GFPT1: variants seen among roughly 807,000 people sequenced by gnomAD.
GFPT1 encodes the protein glutamine--fructose-6-phosphate aminotransferase [isomerizing] 1.
Under a neutral mutation model 92.0 loss-of-function variants are expected in GFPT1, and 40 were observed. That is an observed-to-expected ratio of 0.43 (90% CI 0.34 to 0.57). GFPT1 has a LOEUF of 0.57. Ranked by LOEUF, GFPT1 falls within the 20% of genes least tolerant of loss-of-function variation. The pLI, the probability that GFPT1 is intolerant of heterozygous loss-of-function variation, is 0.02. For synonymous variants in GFPT1, 269 were observed against 280.6 expected, an observed-to-expected ratio of 0.96 and a Z score of 0.41; for missense variants, 448 against 869.1, an observed-to-expected ratio of 0.52 and a Z score of 6.09.
At chr2:69,354,091 C>G (rs1261938351) in intron 9 of GFPT1, among the ~76,000 whole-genome samples, 168 bp downstream of exon 9, 1 of 152,144 alleles carries the variant, frequency 6.6e-6, no homozygotes, top group Non-Finnish European at 1.5e-5. Context: ...AAAGCAGACA[C>G]GCAAAATATA....
At chr2:69,338,638 T>C (rs1670860402) in intron 13 of GFPT1, 73 bp from the exon 14 acceptor site, 2 of 1,504,432 alleles carry the variant, frequency 1.3e-6, no homozygotes, top group Admixed American at 1.7e-5. Context: ...TTGGATTCAA[T>C]GTATAGTTTT....
intron 1 of GFPT1, among the ~76,000 whole-genome samples, chr2:69,385,370 C>G (rs1017667393): frequency 1.3e-5 from 2 of 151,946 alleles, no homozygotes; most frequent in African/African-American, 4.8e-5. Context: ...GGATTACAGG[C>G]GCGTACCACC....
Position 69,363,550 on chromosome 2 carries a change from T to C in GFPT1, c.344A>G (p.Asn115Ser), listed in dbSNP as rs1297015411. 1.2e-6 allele frequency: 2 copies of C among 1,614,080 alleles called. No individual in the cohort carries two copies. Among genetic ancestry groups the C allele is most frequent in the Non-Finnish European group, 1.7e-6 (2 of 1,179,932 alleles). Reference sequence around the variant, plus strand: ...CACAAAAAATCTTTCCATACCATTATTTTTATCAGAGCGCTGGGGGTGGCT... The same window carrying C: ...CACAAAAAATCTTTCCATACCATTACTTTTATCAGAGCGCTGGGGGTGGCT... Reference protein sequence around the residue: ...VNSHPQRSDKNNEFIVIHNGI... With the variant: ...VNSHPQRSDKSNEFIVIHNGI... The change falls in exon 4 of 20, where the codon AAT becomes AGT. Residue 115 changes from asparagine to serine, a missense_variant. Coordinates refer to ENST00000357308, the MANE Select transcript of GFPT1 (RefSeq NM_001244710.2).
rs183591593 is a variant in GFPT1, at chr2:69,373,956, G to A, written c.115+50C>T. ...TAGTCTCCTAATAACAATAAAAATA[G>A]TATCTATTTAAAGAATCATGCAAAA... is the stretch of plus-strand genomic sequence containing the variant. On this transcript the variant is annotated intron_variant, in intron 2 of 19. Transcript: ENST00000357308. 382 of 857,072 alleles carry A rather than the reference G, an allele frequency of 4.5e-4. 2 individuals carry two copies. In the African/African-American group the frequency reaches 5.6e-3, roughly 13 times the overall value. The allele number at this position is 857,072 out of a possible 1,614,324, so 53.1% of individuals were successfully genotyped here.
At chr2:69,333,605 T>A (rs754621526) in intron 15 of GFPT1, among the ~76,000 whole-genome samples, 18 of 152,198 alleles carry the variant, frequency 1.2e-4, no homozygotes, top group Non-Finnish European at 1.6e-4. Context: ...AAAGTTACAT[T>A]TTTATTTTTT....
chr2:69,345,873 T>A, intron 12 of GFPT1, 31 bp downstream of exon 12: 1 of 1,192,210 alleles, frequency 8.4e-7, no homozygotes, highest in Non-Finnish European at 1.3e-6. Context: ...TCAGAGACAC[T>A]GAAATAATAA....
At chr2:69,353,656 T>C (rs1418043702) in intron 9 of GFPT1, among the ~76,000 whole-genome samples, 1 of 151,392 alleles carries the variant, frequency 6.6e-6, no homozygotes, top group Non-Finnish European at 1.5e-5. Flanking sequence ...ACCATACCAC[T>C]GCACTGCACT....
rs752495471 is a variant in GFPT1 at position 69,328,354 on chromosome 2, A to G, written c.1810T>C (p.Leu604=). ...ATGATGATCATGATCACAGGCATCAATTTATCCACCAAAGCCAGAGGGCCA... is the reference window on the plus strand; with the variant it reads ...ATGATGATCATGATCACAGGCATCAGTTTATCCACCAAAGCCAGAGGGCCA... ...KHGPLALVDK[L]MPVIMIIMRD... The change falls in exon 18 of 20, where the codon TTG becomes CTG. Residue 604 remains leucine, a synonymous_variant. Coordinates refer to ENST00000357308, the MANE Select transcript of GFPT1 (RefSeq NM_001244710.2). The G allele has an allele frequency of 6.2e-7, 1 of 1,613,406 alleles. No homozygotes were observed. Among genetic ancestry groups the G allele is most frequent in the East Asian group, 2.2e-5 (1 of 44,870 alleles).
chr2:69,348,466 G>A (rs996930418), intron 10 of GFPT1, 132 bp from the exon 11 acceptor site: 3 of 781,094 alleles, frequency 3.8e-6, no homozygotes, highest in Non-Finnish European at 6.6e-6. Context: ...AGAATTTTCT[G>A]GTTACTAATG....
intron 9 of GFPT1, among the ~76,000 whole-genome samples, chr2:69,353,431 G>T (rs201688672): frequency 6.6e-6 from 1 of 152,214 alleles, no homozygotes; most frequent in Non-Finnish European, 1.5e-5. Flanking sequence ...CTACTCAAGA[G>T]GCTGAGGTGG....
chr2:69,362,227 C>A (rs1348556517), intron 4 of GFPT1, among the ~76,000 whole-genome samples: 2 of 152,222 alleles, frequency 1.3e-5, no homozygotes, highest in East Asian at 3.9e-4. Context: ...CCCCCAGGTT[C>A]AGGTGATCCT....
At chr2:69,361,588 G>A (rs891291241) in intron 4 of GFPT1, among the ~76,000 whole-genome samples, 1 of 152,128 alleles carries the variant, frequency 6.6e-6, no homozygotes, top group African/African-American at 2.4e-5. Context: ...GGCCTTGTCA[G>A]TGTCAAAAGT....
chr2:69,329,632 T>A, intron 16 of GFPT1, 52 bp downstream of exon 16: 1 of 1,197,724 alleles, frequency 8.3e-7, no homozygotes, highest in Non-Finnish European at 1.3e-6. Flanking sequence ...GAATTTTACC[T>A]ATTACCCACT....
intron 3 of GFPT1, among the ~76,000 whole-genome samples, chr2:69,366,258 T>C (rs946517939): frequency 4.6e-5 from 7 of 152,232 alleles, no homozygotes; most frequent in Non-Finnish European, 8.8e-5. Flanking sequence ...ATTTCACTGT[T>C]GCTGTAGGAA....
chr2:69,369,305 G>A (rs891461323), intron 3 of GFPT1, among the ~76,000 whole-genome samples: 1 of 151,896 alleles, frequency 6.6e-6, no homozygotes, highest in African/African-American at 2.4e-5. Context: ...CAATGATTAT[G>A]ATGGCATTCA....
intron 8 of GFPT1, 63 bp downstream of exon 8, chr2:69,354,426 A>G: frequency 1.5e-6 from 2 of 1,293,378 alleles, no homozygotes; most frequent in Non-Finnish European, 2.3e-6. Context: ...AGAGCCATCT[A>G]TTCCAACTTA....
At chr2:69,346,793 G>A (rs1336769532) in intron 11 of GFPT1, among the ~76,000 whole-genome samples, 6 of 151,782 alleles carry the variant, frequency 4.0e-5, no homozygotes, top group Non-Finnish European at 7.4e-5. Context: ...ATCACCGCAA[G>A]ATCACCGCTC....
At position 69,367,340 on chromosome 2, in the gene GFPT1, A is replaced by ATTT. The variant is rs1328178930; in HGVS notation, c.223+2658_223+2660dup. ...GCTCATTCACTATCATATACAACTT[A>ATTT]TTTTTTGTTGTTGTTGTTGTTGTTG... is the stretch of plus-strand genomic sequence containing the variant. On this transcript the variant is annotated intron_variant, in intron 3 of 19. Transcript: ENST00000357308. Among the ~76,000 whole-genome samples, 58 of 132,720 alleles carry ATTT rather than the reference A, an allele frequency of 4.4e-4. No homozygotes were observed. In the Middle Eastern group the frequency reaches 0.022, roughly 51 times the overall value. 87.1% of individuals were successfully genotyped at this position (132,720 alleles called of 152,430 possible). A position where few individuals can be genotyped will look rare whatever the true frequency, so the allele number is the denominator to read the frequency against.
At chr2:69,373,339 C>G (rs868345162) in intron 2 of GFPT1, among the ~76,000 whole-genome samples, 2 of 152,236 alleles carry the variant, frequency 1.3e-5, no homozygotes, top group Middle Eastern at 3.4e-3. Flanking sequence ...ATAGATGAGG[C>G]TGGAATCAGT....
Sources: allele counts gnomAD v4.1 joint callset (sites outside exome capture counted in the v4.1 genomes callset), GRCh38; gene constraint gnomAD v4.1.1; transcripts MANE v1.5; gene names NCBI Gene and HGNC (gene_info 2026-07-23, HGNC 2026-07-21).